Variants in MBTPS1 observed in about 807,000 individuals in gnomAD.
MBTPS1 encodes the protein membrane bound transcription factor peptidase, site 1.
A neutral mutation model predicts 127.8 loss-of-function variants in MBTPS1; 94 were observed. That is an observed-to-expected ratio of 0.74 (90% CI 0.62 to 0.87). The LOEUF (loss-of-function observed/expected upper bound fraction) is 0.87, where lower values mean the gene tolerates loss of function less well. Ranked by LOEUF, MBTPS1 falls within the 40% of genes least tolerant of loss-of-function variation. The pLI is 0.00. For synonymous variants in MBTPS1, 632 were observed against 509.4 expected, an observed-to-expected ratio of 1.24 and a Z score of -3.24; for missense variants, 1,636 against 1,353.2, an observed-to-expected ratio of 1.21 and a Z score of -3.28.
intron 1 of MBTPS1, among the ~76,000 whole-genome samples, chr16:84,106,509 G>T (rs1036093895): frequency 6.6e-6 from 1 of 152,058 alleles, no homozygotes; most frequent in East Asian, 1.9e-4. Flanking sequence ...CTGGGGCAAG[G>T]ACCATTCCTG....
rs753186553 is a variant in MBTPS1 at position 84,068,368 on chromosome 16, G to A, written c.2042C>T (p.Pro681Leu). ...MGYFVEVLGA[P>L]FTCFDASQYG... ...CTGACTGGCATCAAAACACGTGAAG[G>A]GGGCCCCGAGGACCTCTACAAAGTA... Residue 681 changes from proline (P) to leucine (L), a missense_variant, in exon 15 of 23, where the codon CCC becomes CTC. Transcript: ENST00000343411. 6.9e-5 allele frequency: 112 copies of A among 1,613,950 alleles called. No individual in the cohort carries two copies. The highest frequency in any genetic ancestry group is 8.4e-5 in the Non-Finnish European group (99 of 1,179,944).
chr16:84,069,730 C>G (rs1385626743), intron 14 of MBTPS1, 136 bp downstream of exon 14: 2 of 821,752 alleles, frequency 2.4e-6, no homozygotes, highest in Admixed American at 5.4e-5. Context: ...ATGGCAAAAG[C>G]CTGAACATCT....
chr16:84,105,568 C>T (rs750299243), intron 1 of MBTPS1, among the ~76,000 whole-genome samples: 7 of 152,076 alleles, frequency 4.6e-5, no homozygotes, highest in African/African-American at 7.2e-5. Context: ...GCATCCCAAG[C>T]GTGGCAACAC....
Position 84,087,473 on chromosome 16 carries a change from C to CAA in MBTPS1, c.1032-15_1032-14dup, listed in dbSNP as rs5818481. 5.3e-4 allele frequency: 549 copies of CAA among 1,036,342 alleles called. No individual in the cohort carries two copies. The highest frequency in any genetic ancestry group is 1.8e-3 in the South Asian group (117 of 66,020). 64.2% of individuals were successfully genotyped at this position (1,036,342 alleles called of 1,614,324 possible). A position where few individuals can be genotyped will look rare whatever the true frequency, so the allele number is the denominator to read the frequency against. On this transcript the variant is annotated splice_polypyrimidine_tract_variant and intron_variant, in intron 8 of 22. Coordinates refer to ENST00000343411, the MANE Select transcript of MBTPS1 (RefSeq NM_003791.4). ...GTTATTCAGAGTGCTATATTGAGAC[C>CAA]AAAAAAAAAAAAAAAGAAAAGAAAA...
At chr16:84,062,811 G>A (rs925388739) in intron 19 of MBTPS1, among the ~76,000 whole-genome samples, 3 of 152,148 alleles carry the variant, frequency 2.0e-5, no homozygotes, top group African/African-American at 7.2e-5. Context: ...TTCACGCCTC[G>A]AGATAACAAA....
rs1347829665 is a variant in MBTPS1, at chr16:84,101,800, G to A, written c.-17C>T. 2.5e-6 allele frequency: 4 copies of A among 1,598,402 alleles called. No homozygotes were observed. The African/African-American group carries it at 4.0e-5, about 16-fold the overall frequency. ...AAGCTTCATGGTCACAAGCGAATATGATCATAAAATTGCATATATTCAAAT... is the reference window on the plus strand; with the variant it reads ...AAGCTTCATGGTCACAAGCGAATATAATCATAAAATTGCATATATTCAAAT... On this transcript the variant is annotated 5_prime_UTR_variant, in exon 2 of 23. Transcript: ENST00000343411.
At chr16:84,077,549 G>C (rs1209839328) in intron 11 of MBTPS1, among the ~76,000 whole-genome samples, 1 of 152,038 alleles carries the variant, frequency 6.6e-6, no homozygotes, top group Non-Finnish European at 1.5e-5. Context: ...TTTGGCAAAA[G>C]AAAAAATTAC....
Position 84,081,769 on chromosome 16 carries a change from T to C in MBTPS1, c.1426A>G (p.Asn476Asp). 1 of 1,442,346 alleles carries C rather than the reference T, an allele frequency of 6.9e-7. No homozygotes were observed. The highest frequency in any genetic ancestry group is 1.5e-5 in the South Asian group (1 of 64,904). The allele number at this position is 1,442,346 out of a possible 1,614,324, so 89.3% of individuals were successfully genotyped here. The change falls in exon 11 of 23, where the codon AAC becomes GAC. Residue 476 changes from asparagine to aspartate, a missense_variant. Physicochemically the swap from Asn to Asp is conservative, Grantham distance 23. Coordinates refer to ENST00000343411, the MANE Select transcript of MBTPS1 (RefSeq NM_003791.4). ...LDLLRAYQIL[N>D]SYKPQASLSP... ...GACCTTGCCTGTGGCTTGTAGCTGT[T>C]GAGGATCTGATAGGCTCTGAGCAGA... is the stretch of plus-strand genomic sequence containing the variant.
intron 1 of MBTPS1, among the ~76,000 whole-genome samples, chr16:84,110,193 C>A (rs1466695306): frequency 6.6e-6 from 1 of 152,208 alleles, no homozygotes; most frequent in East Asian, 1.9e-4. Flanking sequence ...GACAGATTTA[C>A]ACTCATCAAT....
chr16:84,059,805 G>A (rs971652964), intron 20 of MBTPS1: 1 of 156,978 alleles, frequency 6.4e-6, no homozygotes, highest in African/African-American at 2.4e-5. Context: ...TTAATTCTCT[G>A]GCCAAATAAA....
intron 1 of MBTPS1, among the ~76,000 whole-genome samples, chr16:84,115,869 G>C (rs979381768): frequency 6.6e-6 from 1 of 151,934 alleles, no homozygotes; most frequent in Non-Finnish European, 1.5e-5. Flanking sequence ...GGATTTTATG[G>C]TATGTAAATT....
At position 84,106,691 on chromosome 16, in the gene MBTPS1, T is replaced by C. The variant is rs151258137; in HGVS notation, c.-324-4584A>G. ...AGCATGAGGCAGTCCTGAGCACGTGTGGCTTGTGTTTTAGCCAGATCGCTC... is the reference window on the plus strand; with the variant it reads ...AGCATGAGGCAGTCCTGAGCACGTGCGGCTTGTGTTTTAGCCAGATCGCTC... On this transcript the variant is annotated intron_variant, in intron 1 of 22. Transcript: ENST00000343411. Among the ~76,000 whole-genome samples the C allele has an allele frequency of 4.4e-3, 677 of 152,304 alleles. 6 individuals are homozygous for C. The highest frequency in any genetic ancestry group is 0.016 in the African/African-American group (649 of 41,564).
chr16:84,077,234 GAA>G (rs1191331764), intron 11 of MBTPS1, among the ~76,000 whole-genome samples: 4 of 100,302 alleles, frequency 4.0e-5, no homozygotes, highest in African/African-American at 1.2e-4. Flanking sequence ...CATTAAAAAA[GAA>G]AAAAAAAAAA....
At chr16:84,071,761 A>T (rs999993633) in intron 12 of MBTPS1, 7 of 152,200 alleles carry the variant, frequency 4.6e-5, no homozygotes, top group Non-Finnish European at 1.5e-5. Flanking sequence ...AAGGAAAAAA[A>T]TCCCCACCAC....
intron 9 of MBTPS1, chr16:84,085,988 C>T (rs770455353): frequency 6.6e-6 from 1 of 152,068 alleles, no homozygotes; most frequent in Non-Finnish European, 1.5e-5. Context: ...CTTGGGATAA[C>T]GTTTTAATAA....
chr16:84,066,846 T>C (rs1159272803), intron 16 of MBTPS1, among the ~76,000 whole-genome samples: 1 of 152,154 alleles, frequency 6.6e-6, no homozygotes, highest in Non-Finnish European at 1.5e-5. Context: ...AAATCAGTAC[T>C]TTACCGAAAT....
At chr16:84,106,851 G>A (rs1486495523) in intron 1 of MBTPS1, among the ~76,000 whole-genome samples, 1 of 152,194 alleles carries the variant, frequency 6.6e-6, no homozygotes, top group African/African-American at 2.4e-5. Flanking sequence ...TGACATTACA[G>A]ATACGAAGGC....
chr16:84,082,005 G>A (rs3743633), intron 10 of MBTPS1, 97 bp from the exon 11 acceptor site: 108,967 of 869,370 alleles, frequency 0.13, 8,845 homozygotes, highest in African/African-American at 0.31. Flanking sequence ...CAAGAGGCCT[G>A]CAGTCTTGTT....
intron 18 of MBTPS1, among the ~76,000 whole-genome samples, chr16:84,064,022 C>A (rs2151143433): frequency 6.6e-6 from 1 of 152,318 alleles, no homozygotes; most frequent in South Asian, 2.1e-4. Flanking sequence ...AGCACAGCCT[C>A]CTATCTTTGC....
Sources: allele counts gnomAD v4.1 joint callset (sites outside exome capture counted in the v4.1 genomes callset), GRCh38; gene constraint gnomAD v4.1.1; transcripts MANE v1.5; gene names NCBI Gene and HGNC (gene_info 2026-07-23, HGNC 2026-07-21).